Variants in ZNF831 observed in about 807,000 individuals in gnomAD.
ZNF831 encodes the protein chromosome 20 open reading frame 174.
Under a neutral mutation model 95.8 loss-of-function variants are expected in ZNF831, and 59 were observed. The ratio of observed to expected loss-of-function variants is 0.62; its 90% CI spans 0.50 to 0.77. The LOEUF (loss-of-function observed/expected upper bound fraction) is 0.77. ZNF831 is among the 30% of genes least tolerant of loss of function. The pLI is 0.00. For missense variants in ZNF831, 2,205 were observed against 2,164.0 expected (o/e 1.02, Z -0.38); for synonymous variants, 961 against 925.5 (o/e 1.04, Z -0.70).
Position 59,150,786 on chromosome 20 carries a change from C to A in ZNF831, c.-1281+4412C>A, listed in dbSNP as rs1454446853. Among the ~76,000 whole-genome samples, 3 of 152,206 alleles carry A rather than the reference C, an allele frequency of 2.0e-5. 1 individual carries two copies. Among genetic ancestry groups the A allele is most frequent in the Admixed American group, 2.0e-4 (3 of 15,284 alleles). ...AGTGATTTGTTGTCCAGGAGAGAAA[C>A]AGAGGCTCAGGGAGGTTGGTGTGGC... On this transcript the variant is annotated intron_variant, in intron 2 of 7. Coordinates refer to the ZNF831 transcript ENST00000637017.
chr20:59,192,340 G>A lies in ZNF831; in HGVS notation c.1321G>A (p.Asp441Asn), dbSNP rs1471088747. 5.0e-6 allele frequency: 8 copies of A among 1,607,310 alleles called. No individual in the cohort carries two copies. The highest frequency in any genetic ancestry group is 1.1e-5 in the South Asian group (1 of 90,172). The change falls in exon 2 of 6, where the codon GAC becomes AAC. Residue 441 changes from aspartate (D) to asparagine (N), a missense_variant. Coordinates refer to ENST00000371030, the MANE Select transcript of ZNF831 (RefSeq NM_178457.3). This position sits in a 1 kb window ranked among gnomAD's most constrained non-coding sequence, Gnocchi z 5.2. ...CGGGCTGTCCAAACAGGGCAGCATCGACCTGCCCACGCCCTACACCTACAA... is the reference window on the plus strand; with the variant it reads ...CGGGCTGTCCAAACAGGGCAGCATCAACCTGCCCACGCCCTACACCTACAA... ...KTGLSKQGSI[D>N]LPTPYTYKDS...
At chr20:59,147,439 C>G (rs1439192507) in intron 2 of ZNF831, among the ~76,000 whole-genome samples, 1 of 152,244 alleles carries the variant, frequency 6.6e-6, no homozygotes, top group Non-Finnish European at 1.5e-5. Context: ...CTGACCTTGT[C>G]CCCTCTGGGT....
intron 1 of ZNF831, among the ~76,000 whole-genome samples, chr20:59,186,198 C>T (rs1480168842): frequency 1.3e-5 from 2 of 152,166 alleles, no homozygotes; most frequent in Non-Finnish European, 2.9e-5. Context: ...GCCTCCTTCA[C>T]CCCCAGCCTT....
intron 4 of ZNF831, among the ~76,000 whole-genome samples, chr20:59,238,674 C>G (rs1484209241): frequency 6.6e-6 from 1 of 152,110 alleles, no homozygotes; most frequent in South Asian, 2.1e-4. Flanking sequence ...AAAGCTGCAC[C>G]CTTCTGGCTT....
rs1193874501 is a variant in ZNF831 at position 59,256,516 on chromosome 20, T to G, written c.*1773T>G. ...TCTGAGCCTTGGATGGAGATTGAAG[T>G]CCTGACTTTAGCTGGGAAATCTTGG... On this transcript the variant is annotated 3_prime_UTR_variant, in exon 6 of 6. Transcript: ENST00000371030. 6.6e-6 allele frequency: 1 copy of G among 152,208 alleles called. No homozygotes were observed. The highest frequency in any genetic ancestry group is 1.9e-4 in the East Asian group (1 of 5,200). The allele number at this position is 152,208 out of a possible 1,614,324, so 9.4% of individuals were successfully genotyped here. A position where few individuals can be genotyped will look rare whatever the true frequency, so the allele number is the denominator to read the frequency against.
At chr20:59,157,935 G>A (rs1033299036) in intron 2 of ZNF831, among the ~76,000 whole-genome samples, 1 of 152,122 alleles carries the variant, frequency 6.6e-6, no homozygotes, top group Non-Finnish European at 1.5e-5. Flanking sequence ...TTTTCTTGTT[G>A]TAGCTGAAAT....
At chr20:59,235,126 G>A (rs1986929370) in intron 4 of ZNF831, among the ~76,000 whole-genome samples, 1 of 152,060 alleles carries the variant, frequency 6.6e-6, no homozygotes, top group African/African-American at 2.4e-5. Flanking sequence ...TCCCTCTACT[G>A]GGATAGGTCT....
In ZNF831 at chr20:59,217,162, C is replaced by CTCTG. The variant is rs375503499; in HGVS notation, c.4027+10107_4027+10108insCTGT. ...GAGTACATCTGACAGATCTTCATCT[C>CTCTG]TGTGTGTGTGTGTGTGTGTGTGTGT... On this transcript the variant is annotated intron_variant, in intron 4 of 5. Transcript: ENST00000371030. The surrounding 1 kb of genome is among the most constrained non-coding windows in gnomAD (Gnocchi z 4.4). Among the ~76,000 whole-genome samples the CTCTG allele has an allele frequency of 2.0e-5, 3 of 148,616 alleles. No individual in the cohort carries two copies. Among genetic ancestry groups the CTCTG allele is most frequent in the African/African-American group, 2.5e-5 (1 of 40,146 alleles).
At chr20:59,200,534 A>G (rs940998498) in intron 3 of ZNF831, among the ~76,000 whole-genome samples, 1 of 151,808 alleles carries the variant, frequency 6.6e-6, no homozygotes, top group Non-Finnish European at 1.5e-5. Context: ...AAATTTTGAC[A>G]TATATATATA....
chr20:59,224,033 G>C (rs1213330475), intron 4 of ZNF831, among the ~76,000 whole-genome samples: 2 of 152,348 alleles, frequency 1.3e-5, no homozygotes, highest in East Asian at 3.9e-4. Context: ...CGCTCTTTTG[G>C]GGGTGGATGG....
chr20:59,174,997 C>T (rs1036763967), intron 1 of ZNF831, among the ~76,000 whole-genome samples: 7 of 152,066 alleles, frequency 4.6e-5, no homozygotes, highest in African/African-American at 7.2e-5. Flanking sequence ...ATATTTTCAC[C>T]GGATATAAAA....
At chr20:59,171,686 G>C (rs1981748414) in intron 1 of ZNF831, among the ~76,000 whole-genome samples, 1 of 152,154 alleles carries the variant, frequency 6.6e-6, no homozygotes, top group Non-Finnish European at 1.5e-5. Flanking sequence ...TGAAGTAGGA[G>C]AAAGAAGTAG....
At chr20:59,234,754 AGTT>A (rs957822121) in intron 4 of ZNF831, among the ~76,000 whole-genome samples, 27 of 152,362 alleles carry the variant, frequency 1.8e-4, no homozygotes, top group African/African-American at 6.3e-4. Context: ...GGAATTGGGC[AGTT>A]GTTGTTTTTA....
rs2146578487 is a variant in ZNF831, at chr20:59,193,182, C to T, written c.2163C>T (p.Asp721=). The T allele has an allele frequency of 6.3e-7, 1 of 1,576,628 alleles. No homozygotes were observed. The highest frequency in any genetic ancestry group is 2.4e-5 in the East Asian group (1 of 42,434). The change falls in exon 2 of 6, where the codon GAC becomes GAT. Residue 721 remains aspartate (D), a synonymous_variant. Coordinates refer to ENST00000371030, the MANE Select transcript of ZNF831 (RefSeq NM_178457.3). The part of the protein sequence containing the change: ...GETVARRGDS[D]RPRVEEAVSS... Reference sequence around the variant, plus strand: ...CGGTGGCCAGGAGAGGAGACAGTGACCGACCCAGGGTGGAAGAGGCTGTGT... The same window carrying T: ...CGGTGGCCAGGAGAGGAGACAGTGATCGACCCAGGGTGGAAGAGGCTGTGT...
At chr20:59,196,634 C>T (rs553721620) in intron 3 of ZNF831, among the ~76,000 whole-genome samples, 1 of 152,302 alleles carries the variant, frequency 6.6e-6, no homozygotes, top group South Asian at 2.1e-4. Context: ...TTTCTACCCT[C>T]ATTTTCCCTG....
chr20:59,159,402 C>T (rs192683507), upstream of ZNF831, among the ~76,000 whole-genome samples: 2 of 152,272 alleles, frequency 1.3e-5, no homozygotes, highest in Non-Finnish European at 2.9e-5. Context: ...GATCCTTGAC[C>T]CCCATTACCA....
intron 4 of ZNF831, among the ~76,000 whole-genome samples, chr20:59,234,001 A>T (rs1986873489): frequency 6.6e-6 from 1 of 152,212 alleles, no homozygotes; most frequent in Non-Finnish European, 1.5e-5. Flanking sequence ...ACTTCTGATG[A>T]TGAGCAGCTT....
At chr20:59,203,564 T>G (rs1028334240) in intron 3 of ZNF831, among the ~76,000 whole-genome samples, 2 of 152,224 alleles carry the variant, frequency 1.3e-5, no homozygotes, top group Admixed American at 6.5e-5. Flanking sequence ...ATACAAAGTC[T>G]AAAATATTTA....
At chr20:59,204,767 G>A (rs116057358) in intron 3 of ZNF831, among the ~76,000 whole-genome samples, 2,362 of 152,208 alleles carry the variant, frequency 0.016, 53 homozygotes, top group African/African-American at 0.054. Context: ...CCTGGATGGG[G>A]CCCCAACAGC....
Sources: allele counts gnomAD v4.1 joint callset (sites outside exome capture counted in the v4.1 genomes callset), GRCh38; gene constraint gnomAD v4.1.1; non-coding constraint Gnocchi (gnomAD v3.1); transcripts MANE v1.5; gene names NCBI Gene and HGNC (gene_info 2026-07-23, HGNC 2026-07-21).